Variants in REM2 observed in about 807,000 individuals in gnomAD.
REM2 encodes the protein RRAD and GEM like GTPase 2.
A neutral mutation model predicts 24.4 loss-of-function variants in REM2; 24 were observed. That is an observed-to-expected ratio of 0.98 (90% confidence interval 0.71 to 1.38). The LOEUF (loss-of-function observed/expected upper bound fraction) is 1.38. Among genes scored for constraint, REM2 ranks in the 40% most tolerant of loss-of-function variants. The probability of loss-of-function intolerance (pLI) is 0.00; values close to 1 mark genes in which losing one functional copy is unlikely to be tolerated. For synonymous variants in REM2, 187 were observed against 198.0 expected (o/e 0.94, Z 0.47); for missense variants, 429 against 467.8 (o/e 0.92, Z 0.77).
chr14:22,884,584 T>C, intron 1 of REM2, 90 bp from the exon 2 acceptor site: 1 of 1,472,926 alleles, frequency 6.8e-7, no homozygotes, highest in South Asian at 1.4e-5. Context: ...GGGCCTCTGA[T>C]ACTGGAACAG....
chr14:22,884,479 C>G lies in REM2; in HGVS notation c.104-195C>G, dbSNP rs529581069. 5.2e-4 allele frequency: 512 copies of G among 985,440 alleles called. 3 individuals are homozygous for G. The African/African-American group carries it at 8.4e-3, about 16-fold the overall frequency. The allele number at this position is 985,440 out of a possible 1,614,324, so 61.0% of individuals were successfully genotyped here. On this transcript the variant is annotated intron_variant, in intron 1 of 4. Transcript: ENST00000267396. The stretch of plus-strand genomic sequence containing the variant: ...GACCGCATTGGAGAAGCTATCATGT[C>G]AACTCCAGTTCAGGCTTCTGGAGAC...
At chr14:22,885,038 G>T in intron 2 of REM2, 23 bp downstream of exon 2, 4 of 1,522,710 alleles carry the variant, frequency 2.6e-6, no homozygotes, top group Non-Finnish European at 3.5e-6. Context: ...GCCCTCCAGG[G>T]GTTGAGGGGG....
chr14:22,886,065 C>T lies in REM2; in HGVS notation c.561C>T (p.Thr187=). 6.2e-7 allele frequency: 1 copy of T among 1,613,934 alleles called. No individual in the cohort carries two copies. The highest frequency in any genetic ancestry group is 8.5e-7 in the Non-Finnish European group (1 of 1,179,856). The change falls in exon 4 of 5, where the codon ACC becomes ACT. Residue 187 remains threonine (T), a synonymous_variant. Transcript: ENST00000267396. This position sits in a 1 kb window ranked among gnomAD's most constrained non-coding sequence, Gnocchi z 5.9. ...GGCTGCGGGACCACTGCCTTCAGAC[C>T]GGGGACGCCTTTCTCATCGTCTTCT... ...GGWLRDHCLQ[T]GDAFLIVFSV...
In REM2 at chr14:22,886,725, G is replaced by A. The variant is rs762113247; in HGVS notation, c.839G>A (p.Arg280Gln). 2.6e-6 allele frequency: 4 copies of A among 1,518,384 alleles called. No individual in the cohort carries two copies. The African/African-American group carries it at 4.2e-5, about 16-fold the overall frequency. 94.1% of individuals were successfully genotyped at this position (1,518,384 alleles called of 1,614,324 possible). ...GGCGCGGTGCGCCAGATCCGGCTGC[G>A]GCGGGGCCGAAACCACGCCGGAGGC... The part of the protein sequence containing the change: ...FEGAVRQIRL[R>Q]RGRNHAGGQR... Residue 280 changes from arginine (R) to glutamine (Q), a missense_variant, in exon 5 of 5, where the codon CGG becomes CAG. By Grantham distance (43) the Arg-to-Gln change is conservative. Transcript: ENST00000267396. The surrounding 1 kb of genome is among the most constrained non-coding windows in gnomAD (Gnocchi z 5.9).
At position 22,886,969 on chromosome 14, in the gene REM2, C is replaced by G; in HGVS notation, c.*60C>G. 1.5e-6 allele frequency: 2 copies of G among 1,307,624 alleles called. No homozygotes were observed. The highest frequency in any genetic ancestry group is 2.0e-6 in the Non-Finnish European group (2 of 996,642). 81.0% of individuals were successfully genotyped at this position (1,307,624 alleles called of 1,614,324 possible). On this transcript the variant is annotated 3_prime_UTR_variant, in exon 5 of 5. Coordinates refer to ENST00000267396, the MANE Select transcript of REM2 (RefSeq NM_173527.3). The surrounding 1 kb of genome is among the most constrained non-coding windows in gnomAD (Gnocchi z 5.9). The stretch of plus-strand genomic sequence containing the variant: ...TCACCGCGCCCTCCGCTCGCCCCCC[C>G]TCGCCCCGCCCCGCCCCCGTCCGGC...
chr14:22,887,007 G>C lies in REM2; in HGVS notation c.*98G>C. On this transcript the variant is annotated 3_prime_UTR_variant, in exon 5 of 5. Coordinates refer to ENST00000267396, the MANE Select transcript of REM2 (RefSeq NM_173527.3). ...GCCCCCGTCCGGCTTCCTTGGTGGA[G>C]GCCGTCTAGGAAACCAAAAACTCCC... The C allele has an allele frequency of 8.6e-7, 1 of 1,157,830 alleles. No homozygotes were observed. The highest frequency in any genetic ancestry group is 1.2e-6 in the Non-Finnish European group (1 of 868,544). 71.7% of individuals were successfully genotyped at this position (1,157,830 alleles called of 1,614,324 possible).
At chr14:22,884,545 T>C (rs1162065404) in intron 1 of REM2, 129 bp from the exon 2 acceptor site, 1 of 1,436,180 alleles carries the variant, frequency 7.0e-7, no homozygotes, top group Non-Finnish European at 9.2e-7. Flanking sequence ...CAGTTCCTTC[T>C]GGGTAATGGT....
chr14:22,884,647 T>C (rs1452297585), intron 1 of REM2, 27 bp from the exon 2 acceptor site: 1 of 1,573,322 alleles, frequency 6.4e-7, no homozygotes, highest in East Asian at 2.2e-5. Context: ...ATAGCTTCCT[T>C]TTCTTTGCCC....
At chr14:22,884,025 G>A in intron 1 of REM2, 4 of 985,098 alleles carry the variant, frequency 4.1e-6, no homozygotes, top group Non-Finnish European at 4.8e-6. Context: ...ACCACGCAAT[G>A]AGGGATGCTC....
At chr14:22,885,188 G>A (rs1396548890) in intron 2 of REM2, 78 bp from the exon 3 acceptor site, 1 of 1,414,744 alleles carries the variant, frequency 7.1e-7, no homozygotes, top group East Asian at 2.3e-5. Flanking sequence ...GAGATCTGAG[G>A]TGTCCCTGGT....
intron 1 of REM2, 79 bp downstream of exon 1, chr14:22,883,469 G>A: frequency 7.8e-7 from 1 of 1,290,194 alleles, no homozygotes; most frequent in Non-Finnish European, 1.1e-6. Context: ...TCAGAACTAG[G>A]GGTTGAGGGA....
chr14:22,883,571 G>A (rs994590456), intron 1 of REM2, among the ~76,000 whole-genome samples, 181 bp downstream of exon 1: 3 of 152,124 alleles, frequency 2.0e-5, no homozygotes, highest in Non-Finnish European at 4.4e-5. Flanking sequence ...CTAGGGTGGA[G>A]GGGAAGAGCT....
Position 22,887,029 on chromosome 14 carries a change from TC to T in REM2, c.*123del, listed in dbSNP as rs1230888995. The T allele has an allele frequency of 9.8e-6, 9 of 919,484 alleles. No individual in the cohort carries two copies. Among genetic ancestry groups the T allele is most frequent in the African/African-American group, 1.8e-5 (1 of 56,494 alleles). 57.0% of individuals were successfully genotyped at this position (919,484 alleles called of 1,614,324 possible). Reference sequence around the variant, plus strand: ...GGAGGCCGTCTAGGAAACCAAAAACTCCCAGGATGCCCCGGTGTGACCGCCG... The same window carrying T: ...GGAGGCCGTCTAGGAAACCAAAAACTCCAGGATGCCCCGGTGTGACCGCCG... On this transcript the variant is annotated 3_prime_UTR_variant, in exon 5 of 5. Transcript: ENST00000267396.
At chr14:22,883,465 C>G (rs899008617) in intron 1 of REM2, 75 bp downstream of exon 1, 5 of 1,350,818 alleles carry the variant, frequency 3.7e-6, no homozygotes, top group South Asian at 1.3e-5. Context: ...GAGGTCAGAA[C>G]TAGGGGTTGA....
At position 22,883,265 on chromosome 14, in the gene REM2, C is replaced by T. The variant is rs1260933482; in HGVS notation, c.-23C>T. On this transcript the variant is annotated 5_prime_UTR_variant, in exon 1 of 5. Coordinates refer to ENST00000267396, the MANE Select transcript of REM2 (RefSeq NM_173527.3). ...TGCGAGCTGCTGGGCTGCACACGCA[C>T]ACGCACACGCACACGCACACTGATG... The T allele has an allele frequency of 1.9e-6, 2 of 1,077,380 alleles. No individual in the cohort carries two copies. The highest frequency in any genetic ancestry group is 1.5e-5 in the African/African-American group (1 of 65,140). The allele number at this position is 1,077,380 out of a possible 1,614,324, so 66.7% of individuals were successfully genotyped here.
chr14:22,886,961 C>T lies in REM2; in HGVS notation c.*52C>T, dbSNP rs776273926. The T allele has an allele frequency of 1.5e-6, 2 of 1,294,940 alleles. No homozygotes were observed. The highest frequency in any genetic ancestry group is 3.1e-5 in the East Asian group (1 of 32,460). 80.2% of individuals were successfully genotyped at this position (1,294,940 alleles called of 1,614,324 possible). ...CGCCATGGTCACCGCGCCCTCCGCT[C>T]GCCCCCCCTCGCCCCGCCCCGCCCC... On this transcript the variant is annotated 3_prime_UTR_variant, in exon 5 of 5. Coordinates refer to ENST00000267396, the MANE Select transcript of REM2 (RefSeq NM_173527.3). This position sits in a 1 kb window ranked among gnomAD's most constrained non-coding sequence, Gnocchi z 5.9.
At position 22,886,972 on chromosome 14, in the gene REM2, G is replaced by T; in HGVS notation, c.*63G>T. 2 of 1,258,784 alleles carry T rather than the reference G, an allele frequency of 1.6e-6. No individual in the cohort carries two copies. The highest frequency in any genetic ancestry group is 3.6e-5 in the South Asian group (2 of 55,234). The allele number at this position is 1,258,784 out of a possible 1,614,324, so 78.0% of individuals were successfully genotyped here. A position where few individuals can be genotyped will look rare whatever the true frequency, so the allele number is the denominator to read the frequency against. ...CCGCGCCCTCCGCTCGCCCCCCCTC[G>T]CCCCGCCCCGCCCCCGTCCGGCTTC... On this transcript the variant is annotated 3_prime_UTR_variant, in exon 5 of 5. Coordinates refer to ENST00000267396, the MANE Select transcript of REM2 (RefSeq NM_173527.3). The surrounding 1 kb of genome is among the most constrained non-coding windows in gnomAD (Gnocchi z 5.9).
chr14:22,885,968 G>A lies in REM2; in HGVS notation c.520-56G>A, dbSNP rs370815781. The A allele has an allele frequency of 2.4e-4, 339 of 1,435,830 alleles. 5 individuals are homozygous for A. In the South Asian group the frequency reaches 2.7e-3, roughly 11 times the overall value. 88.9% of individuals were successfully genotyped at this position (1,435,830 alleles called of 1,614,324 possible). On this transcript the variant is annotated intron_variant, in intron 3 of 4. Coordinates refer to ENST00000267396, the MANE Select transcript of REM2 (RefSeq NM_173527.3). Reference sequence around the variant, plus strand: ...CCTGTTCCTCCTCTTTGAGGTGTAGGTGCTGGACAGGATCTCCTATGCCTC... The same window carrying A: ...CCTGTTCCTCCTCTTTGAGGTGTAGATGCTGGACAGGATCTCCTATGCCTC...
intron 1 of REM2, chr14:22,884,473 T>C (rs1161419604): frequency 1.0e-6 from 1 of 985,306 alleles, no homozygotes; most frequent in Non-Finnish European, 1.2e-6. Context: ...GGAGAAGCTA[T>C]CATGTCAACT....
Sources: allele counts gnomAD v4.1 joint callset (sites outside exome capture counted in the v4.1 genomes callset), GRCh38; gene constraint gnomAD v4.1.1; non-coding constraint Gnocchi (gnomAD v3.1); transcripts MANE v1.5; gene names NCBI Gene and HGNC (gene_info 2026-07-23, HGNC 2026-07-21).